Variants in BMPR1A observed in about 807,000 individuals in gnomAD.
BMPR1A encodes bone morphogenetic protein receptor type 1A.
In BMPR1A, 7 loss-of-function variants were observed where a neutral mutation model predicts 66.0. That is an observed-to-expected ratio of 0.11 (90% CI 0.06 to 0.20). BMPR1A has a LOEUF of 0.20. BMPR1A is among the 10% of genes least tolerant of loss of function. BMPR1A has a pLI of 1.00. For synonymous variants in BMPR1A, 200 were observed against 229.7 expected (o/e 0.87, Z 1.17); for missense variants, 408 against 669.1 (o/e 0.61, Z 4.31).
chr10:86,766,650 CT>C (rs1437383794), intron 1 of BMPR1A, among the ~76,000 whole-genome samples: 9 of 136,096 alleles, frequency 6.6e-5, no homozygotes, highest in Middle Eastern at 4.3e-3. Context: ...GAGTCTCGCT[CT>C]TTCACCCAGG....
chr10:86,756,175 C>T (rs1186863688), upstream of BMPR1A: 1 of 152,158 alleles, frequency 6.6e-6, no homozygotes, highest in Non-Finnish European at 1.5e-5. Context: ...CCCCGAAGGC[C>T]GGAGCGGGCG....
chr10:86,806,255 C>T (rs1841888217), intron 1 of BMPR1A, among the ~76,000 whole-genome samples: 1 of 152,152 alleles, frequency 6.6e-6, no homozygotes, highest in Admixed American at 6.5e-5. Context: ...TTTCCAGTTT[C>T]TCTTCTCTAT....
chr10:86,857,768 C>A (rs1179565471), intron 2 of BMPR1A, among the ~76,000 whole-genome samples: 23 of 143,716 alleles, frequency 1.6e-4, no homozygotes, highest in Admixed American at 3.4e-4. Flanking sequence ...AAAAAAAAAA[C>A]AAGGAGAAAG....
At chr10:86,788,799 G>A (rs1189133001) in intron 1 of BMPR1A, among the ~76,000 whole-genome samples, 1 of 152,046 alleles carries the variant, frequency 6.6e-6, no homozygotes, top group Non-Finnish European at 1.5e-5. Context: ...TAGAGATAGG[G>A]TTTCATCATA....
chr10:86,865,881 C>G (rs1312520157), intron 2 of BMPR1A, among the ~76,000 whole-genome samples: 2 of 152,160 alleles, frequency 1.3e-5, no homozygotes, highest in African/African-American at 4.8e-5. Context: ...ACTGCTGATG[C>G]CTGAGGGGAG....
chr10:86,795,519 T>TGAA (rs1387976881), intron 1 of BMPR1A, among the ~76,000 whole-genome samples: 1 of 151,966 alleles, frequency 6.6e-6, no homozygotes, highest in Non-Finnish European at 1.5e-5. Flanking sequence ...AAAGTTGCTG[T>TGAA]GAAGGAGAGA....
chr10:86,781,368 CTG>C (rs755087712), intron 1 of BMPR1A, among the ~76,000 whole-genome samples: 39 of 152,134 alleles, frequency 2.6e-4, no homozygotes, highest in Non-Finnish European at 3.2e-4. Context: ...TCTGGGTTCT[CTG>C]TTTTGTTCCA....
intron 1 of BMPR1A, among the ~76,000 whole-genome samples, chr10:86,826,164 C>G (rs1413799240): frequency 1.3e-5 from 2 of 152,056 alleles, no homozygotes; most frequent in Admixed American, 6.6e-5. Flanking sequence ...AACTTCTAAA[C>G]ATTTTAGCAC....
intron 1 of BMPR1A, among the ~76,000 whole-genome samples, chr10:86,771,050 A>G (rs1841250548): frequency 6.6e-6 from 1 of 152,206 alleles, no homozygotes; most frequent in African/African-American, 2.4e-5. Flanking sequence ...GCCTGTTTCC[A>G]AATGCATTCT....
At chr10:86,884,393 GATTTTTTTTTTTTTTT>G (rs1843038447) in intron 3 of BMPR1A, among the ~76,000 whole-genome samples, 1 of 59,286 alleles carries the variant, frequency 1.7e-5, no homozygotes, top group African/African-American at 5.0e-5. Flanking sequence ...GCAAACACAT[GATTTTTTTTTTTTTTT>G]TTTTTTTTTT....
chr10:86,927,735 T>C lies in BMPR1A; in HGVS notation c.*4016T>C, dbSNP rs1193398758. 5 of 198,948 alleles carry C rather than the reference T, an allele frequency of 2.5e-5. No individual in the cohort carries two copies. The highest frequency in any genetic ancestry group is 4.1e-5 in the Non-Finnish European group (4 of 96,472). 12.3% of individuals were successfully genotyped at this position (198,948 alleles called of 1,614,324 possible). ...TATAAAATGGAAATATCATTATTGC[T>C]TCATTAGGGGAAACTGTACATAGGC... On this transcript the variant is annotated 3_prime_UTR_variant, in exon 13 of 13. Coordinates refer to ENST00000372037, the MANE Select transcript of BMPR1A (RefSeq NM_004329.3).
At chr10:86,888,329 G>A (rs998711196) in intron 3 of BMPR1A, among the ~76,000 whole-genome samples, 9 of 152,022 alleles carry the variant, frequency 5.9e-5, no homozygotes, top group African/African-American at 1.7e-4. Context: ...TTAGCTAGGC[G>A]TTGTGTGGGG....
chr10:86,800,260 C>T (rs1841792302), intron 1 of BMPR1A, among the ~76,000 whole-genome samples: 1 of 152,110 alleles, frequency 6.6e-6, no homozygotes. Context: ...AGGCTGTTCT[C>T]CCTGCCATCT....
At chr10:86,767,044 G>T (rs1841176131) in intron 1 of BMPR1A, among the ~76,000 whole-genome samples, 1 of 152,082 alleles carries the variant, frequency 6.6e-6, no homozygotes, top group Non-Finnish European at 1.5e-5. Context: ...GGATGGTCTT[G>T]ATCTCGTGAC....
chr10:86,810,186 G>C (rs1338674941), intron 1 of BMPR1A, among the ~76,000 whole-genome samples: 2 of 152,000 alleles, frequency 1.3e-5, no homozygotes, highest in Non-Finnish European at 2.9e-5. Context: ...TCACCATGTT[G>C]GCCAGGCTGG....
intron 7 of BMPR1A, among the ~76,000 whole-genome samples, chr10:86,906,182 AT>A (rs1843384412): frequency 6.6e-6 from 1 of 152,116 alleles, no homozygotes; most frequent in Non-Finnish European, 1.5e-5. Flanking sequence ...GCTGTCACTC[AT>A]TATCTTCCAC....
chr10:86,896,645 T>C (rs1034615224), intron 5 of BMPR1A, among the ~76,000 whole-genome samples: 7 of 152,208 alleles, frequency 4.6e-5, no homozygotes, highest in Non-Finnish European at 5.9e-5. Flanking sequence ...CAAATTGCAA[T>C]GCTATTTAGA....
At chr10:86,776,152 T>C (rs1175970778) in intron 1 of BMPR1A, among the ~76,000 whole-genome samples, 1 of 152,236 alleles carries the variant, frequency 6.6e-6, no homozygotes, top group East Asian at 1.9e-4. Flanking sequence ...AACAATTATT[T>C]TGAAATATAG....
At chr10:86,820,684 T>TA (rs1311421108) in intron 1 of BMPR1A, among the ~76,000 whole-genome samples, 1 of 152,068 alleles carries the variant, frequency 6.6e-6, no homozygotes, top group Non-Finnish European at 1.5e-5. Flanking sequence ...CTCCTTGCCC[T>TA]CCCCCCGGAC....
Sources: allele counts gnomAD v4.1 joint callset (sites outside exome capture counted in the v4.1 genomes callset), GRCh38; gene constraint gnomAD v4.1.1; transcripts MANE v1.5; gene names NCBI Gene and HGNC (gene_info 2026-07-23, HGNC 2026-07-21).